The following ETV1 variants were observed in gnomAD, a reference collection of about 807,000 sequenced individuals.
The protein encoded by ETV1 is ETS variant transcription factor 1.
A neutral mutation model predicts 62.3 loss-of-function variants in ETV1; 27 were observed. The ratio of observed to expected loss-of-function variants is 0.43; its 90% CI spans 0.32 to 0.60. The LOEUF (loss-of-function observed/expected upper bound fraction) is 0.60. ETV1 is among the 20% of genes least tolerant of loss of function. ETV1 has a pLI of 0.06. For synonymous variants in ETV1, 222 were observed against 199.6 expected (o/e 1.11, Z -0.94); for missense variants, 605 against 605.8 (o/e 1.00, Z 0.01).
intron 6 of ETV1, among the ~76,000 whole-genome samples, chr7:13,965,990 C>T (rs978124244): frequency 1.7e-4 from 26 of 152,086 alleles, no homozygotes; most frequent in Admixed American, 5.2e-4. Context: ...CGGGCATGAA[C>T]CATCCTCTAC....
chr7:13,922,391 A>C (rs894384922), intron 9 of ETV1, among the ~76,000 whole-genome samples: 1 of 152,188 alleles, frequency 6.6e-6, no homozygotes, highest in African/African-American at 2.4e-5. Flanking sequence ...GCAATAATAC[A>C]ATTTTTAAAA....
intron 6 of ETV1, among the ~76,000 whole-genome samples, chr7:13,970,202 A>G (rs547408057): frequency 1.3e-5 from 2 of 150,422 alleles, no homozygotes; most frequent in African/African-American, 4.9e-5. Context: ...CGGAGCTTGC[A>G]GTGAGCTGAG....
At chr7:13,941,042 G>C (rs1787444202) in intron 6 of ETV1, among the ~76,000 whole-genome samples, 2 of 152,002 alleles carry the variant, frequency 1.3e-5, no homozygotes, top group African/African-American at 2.4e-5. Flanking sequence ...TACATGTTTA[G>C]TACGCCTATT....
chr7:13,915,228 C>T (rs1026080429), intron 9 of ETV1, among the ~76,000 whole-genome samples: 1 of 152,132 alleles, frequency 6.6e-6, no homozygotes. Context: ...ATCAAGTGCA[C>T]ATAAACTTGT....
chr7:13,911,552 C>A (rs1282928374), intron 9 of ETV1, among the ~76,000 whole-genome samples: 2 of 152,074 alleles, frequency 1.3e-5, no homozygotes, highest in Middle Eastern at 3.2e-3. Context: ...CCCAAATAAA[C>A]CTTGCTAAAA....
At chr7:13,930,543 A>T (rs557566477) in intron 9 of ETV1, among the ~76,000 whole-genome samples, 7 of 151,432 alleles carry the variant, frequency 4.6e-5, no homozygotes, top group South Asian at 2.1e-4. Flanking sequence ...GGATGGTCTC[A>T]ATCTCCTGAC....
chr7:13,908,138 C>A (rs1783168899), intron 11 of ETV1, among the ~76,000 whole-genome samples: 1 of 152,108 alleles, frequency 6.6e-6, no homozygotes, highest in Admixed American at 6.6e-5. Context: ...ATAACCCCCT[C>A]ATTTTTCTTT....
Position 13,986,678 on chromosome 7 carries a change from A to G in ETV1, c.141T>C (p.Phe47=). The change falls in exon 5 of 14, where the codon TTT becomes TTC. Residue 47 remains phenylalanine (F), a synonymous_variant. Coordinates refer to ENST00000430479, the MANE Select transcript of ETV1 (RefSeq NM_004956.5). The part of the protein sequence containing the change: ...RDLAHDSEEL[F]QDLSQLQETW... ...TTTCCTGTAATTGACTTAGATCTTGAAAGAGTTCTAAAAAACAAGTCAAAG... is the reference window on the plus strand; with the variant it reads ...TTTCCTGTAATTGACTTAGATCTTGGAAGAGTTCTAAAAAACAAGTCAAAG... The G allele has an allele frequency of 6.2e-7, 1 of 1,609,950 alleles. No individual in the cohort carries two copies. The highest frequency in any genetic ancestry group is 8.5e-7 in the Non-Finnish European group (1 of 1,178,152).
At chr7:13,972,289 G>A (rs1197256452) in intron 6 of ETV1, among the ~76,000 whole-genome samples, 5 of 151,786 alleles carry the variant, frequency 3.3e-5, no homozygotes, top group East Asian at 1.9e-4. Context: ...AAAATTGGCC[G>A]GGCATGGTGG....
intron 6 of ETV1, among the ~76,000 whole-genome samples, chr7:13,976,468 C>A (rs181514536): frequency 7.2e-5 from 11 of 152,142 alleles, no homozygotes; most frequent in African/African-American, 2.7e-4. Flanking sequence ...CAACCCTCTA[C>A]GCCTGAGAAA....
chr7:13,968,495 C>T (rs1780532673), intron 6 of ETV1, among the ~76,000 whole-genome samples: 3 of 150,960 alleles, frequency 2.0e-5, no homozygotes, highest in South Asian at 2.1e-4. Flanking sequence ...GTAATTTTCT[C>T]ACTGTAAGTA....
chr7:13,959,492 T>C (rs1474532876), intron 6 of ETV1, among the ~76,000 whole-genome samples: 3 of 152,308 alleles, frequency 2.0e-5, no homozygotes, highest in Middle Eastern at 3.4e-3. Flanking sequence ...TATAAATAGA[T>C]ACTTAAGTAC....
intron 6 of ETV1, chr7:13,974,874 G>A (rs1224905806): frequency 1.3e-5 from 2 of 152,348 alleles, no homozygotes; most frequent in Non-Finnish European, 2.9e-5. Context: ...TGTAGATGGT[G>A]TTTTGTGCAA....
chr7:13,923,611 A>G (rs1785096077), intron 9 of ETV1, among the ~76,000 whole-genome samples: 1 of 152,156 alleles, frequency 6.6e-6, no homozygotes. Context: ...TCGATGTGCT[A>G]AGGACAGATA....
intron 3 of ETV1, chr7:13,988,790 G>C (rs1430995737): frequency 1.2e-6 from 2 of 1,607,046 alleles, no homozygotes; most frequent in East Asian, 2.2e-5. Flanking sequence ...ATCAGAAAAA[G>C]GGGTCTTAAA....
chr7:13,969,798 C>A (rs917655928), intron 6 of ETV1, among the ~76,000 whole-genome samples: 4 of 152,088 alleles, frequency 2.6e-5, no homozygotes, highest in Non-Finnish European at 5.9e-5. Flanking sequence ...CAGGTAAAAT[C>A]TAAAACTAAT....
intron 6 of ETV1, among the ~76,000 whole-genome samples, chr7:13,939,787 A>C (rs1787265276): frequency 6.6e-6 from 1 of 152,234 alleles, no homozygotes; most frequent in Non-Finnish European, 1.5e-5. Flanking sequence ...CTTTGAGGCC[A>C]GTTCTCATCT....
At chr7:13,904,548 T>C (rs1363268851) in intron 12 of ETV1, among the ~76,000 whole-genome samples, 1 of 152,182 alleles carries the variant, frequency 6.6e-6, no homozygotes, top group African/African-American at 2.4e-5. Context: ...ATTTTTCTTC[T>C]TCTGAGTGGA....
In ETV1 at chr7:13,974,524, G is replaced by T. The variant is rs1467542370; in HGVS notation, c.235+2903C>A. Among the ~76,000 whole-genome samples the T allele has an allele frequency of 2.6e-5, 4 of 152,126 alleles. No individual in the cohort carries two copies. The East Asian group carries it at 7.7e-4, about 29-fold the overall frequency. On this transcript the variant is annotated intron_variant, in intron 6 of 13. Coordinates refer to ENST00000430479, the MANE Select transcript of ETV1 (RefSeq NM_004956.5). Reference sequence around the variant, plus strand: ...GGCTTGCAAAGAGGGAAAATCAAAAGACAAGAAAACCAACCAAAAGGCTGA... The same window carrying T: ...GGCTTGCAAAGAGGGAAAATCAAAATACAAGAAAACCAACCAAAAGGCTGA...
Sources: allele counts gnomAD v4.1 joint callset (sites outside exome capture counted in the v4.1 genomes callset), GRCh38; gene constraint gnomAD v4.1.1; transcripts MANE v1.5; gene names NCBI Gene and HGNC (gene_info 2026-07-23, HGNC 2026-07-21).